FARP2: variants seen among roughly 807,000 people sequenced by gnomAD.
FARP2 encodes the protein FERM, ARHGEF and pleckstrin domain-containing protein 2.
Under a neutral mutation model 130.5 loss-of-function variants are expected in FARP2, and 111 were observed. The observed-to-expected ratio is 0.85, with a 90% CI of 0.73 to 1.00. The LOEUF (loss-of-function observed/expected upper bound fraction) is 1.00. Among genes scored for constraint, FARP2 ranks in the 50% least tolerant of loss-of-function variants. The probability of loss-of-function intolerance (pLI) is 0.00; values close to 1 mark genes in which losing one functional copy is unlikely to be tolerated. For missense variants in FARP2, 1,385 were observed against 1,346.3 expected (o/e 1.03, Z -0.45); for synonymous variants, 504 against 516.9 (o/e 0.98, Z 0.34).
intron 2 of FARP2, among the ~76,000 whole-genome samples, chr2:241,385,195 G>T (rs555798940): frequency 2.6e-5 from 4 of 152,122 alleles, no homozygotes; most frequent in Admixed American, 2.0e-4. Flanking sequence ...CTAGAGGAGG[G>T]CAAACTTGTT....
rs776204438 is a variant in FARP2 at position 241,403,857 on chromosome 2, A to G, written c.213A>G (p.Thr71=). The change falls in exon 3 of 27, where the codon ACA becomes ACG. Residue 71 remains threonine, a synonymous_variant. Transcript: ENST00000264042. ...EPKCDGQVLL[T]QVWKRLNLVE... ...AATGCGATGGCCAGGTATTACTGAC[A>G]CAAGTGTGGAAGCGTTTAAACCTGG... The G allele has an allele frequency of 1.2e-6, 2 of 1,613,744 alleles. No individual in the cohort carries two copies. Among genetic ancestry groups the G allele is most frequent in the Non-Finnish European group, 1.7e-6 (2 of 1,179,652 alleles).
intron 13 of FARP2, among the ~76,000 whole-genome samples, chr2:241,448,439 A>G (rs541706611): frequency 1.4e-4 from 21 of 152,358 alleles, no homozygotes; most frequent in Admixed American, 3.9e-4. Flanking sequence ...AATCCTAATA[A>G]CTATCACCCT....
intron 2 of FARP2, among the ~76,000 whole-genome samples, chr2:241,378,103 T>C (rs996615640): frequency 6.6e-6 from 1 of 151,936 alleles, no homozygotes; most frequent in African/African-American, 2.4e-5. Flanking sequence ...TTATTTTTAT[T>C]TTATTATTTT....
chr2:241,455,548 T>C (rs887234009), intron 13 of FARP2, among the ~76,000 whole-genome samples: 6 of 151,612 alleles, frequency 4.0e-5, no homozygotes, highest in Non-Finnish European at 8.8e-5. Flanking sequence ...GCCCGGCTAA[T>C]TTTTTGTATT....
At chr2:241,383,171 G>A (rs10172825) in intron 2 of FARP2, among the ~76,000 whole-genome samples, 28,080 of 152,242 alleles carry the variant, frequency 0.18, 2,976 homozygotes, top group Middle Eastern at 0.35. Flanking sequence ...ACCCTCTGCC[G>A]TCGGAGCTGG....
chr2:241,415,188 A>G (rs1232006999), intron 7 of FARP2, among the ~76,000 whole-genome samples: 1 of 152,192 alleles, frequency 6.6e-6, no homozygotes, highest in African/African-American at 2.4e-5. Context: ...GGAGGCCTCC[A>G]TGCAGGGCAG....
At chr2:241,402,855 T>TATATATAC (rs2062213525) in intron 2 of FARP2, among the ~76,000 whole-genome samples, 1 of 11,480 alleles carries the variant, frequency 8.7e-5, no homozygotes, top group African/African-American at 3.1e-4. Flanking sequence ...TATATATATA[T>TATATATAC]ATATATATAT....
intron 6 of FARP2, among the ~76,000 whole-genome samples, chr2:241,413,009 C>T (rs2062561654): frequency 6.6e-6 from 1 of 152,176 alleles, no homozygotes; most frequent in Non-Finnish European, 1.5e-5. Context: ...GCCTGGTCAA[C>T]AGAACGAGAC....
Position 241,356,306 on chromosome 2 carries a change from A to T in FARP2, c.-107A>T, listed in dbSNP as rs1373097571. On this transcript the variant is annotated 5_prime_UTR_variant, in exon 1 of 27. Transcript: ENST00000264042. The stretch of plus-strand genomic sequence containing the variant: ...GGGCAGTTGGGAGCAGGCGACGCCG[A>T]CGCGAGTCTGGCGGCTGCTGCTTGC... The T allele has an allele frequency of 6.6e-6, 1 of 152,380 alleles. No individual in the cohort carries two copies. Among genetic ancestry groups the T allele is most frequent in the Non-Finnish European group, 1.5e-5 (1 of 68,018 alleles). The allele number at this position is 152,380 out of a possible 1,614,324, so 9.4% of individuals were successfully genotyped here.
intron 16 of FARP2, 137 bp downstream of exon 16, chr2:241,463,605 A>T: frequency 1.0e-6 from 1 of 959,242 alleles, no homozygotes; most frequent in Non-Finnish European, 1.5e-6. Flanking sequence ...GCCTGTGGGG[A>T]GAGGTACAGA....
chr2:241,430,095 T>A (rs1174915141), intron 8 of FARP2, among the ~76,000 whole-genome samples: 1 of 152,242 alleles, frequency 6.6e-6, no homozygotes, highest in African/African-American at 2.4e-5. Flanking sequence ...ATTTAGTTTA[T>A]GTCACTGTGG....
rs760477107 is a variant in FARP2, at chr2:241,491,604, G to A, written c.2712G>A (p.Arg904=). Residue 904 remains arginine, a synonymous_variant, in exon 24 of 27, where the codon CGG becomes CGA. Transcript: ENST00000264042. ...RSSLEGHGQH[R]ANTTMHVCWY... ...CCCTGGAGGGGCATGGCCAGCACCG[G>A]GCCAACACCACAATGCACGTGTGCT... The A allele has an allele frequency of 6.2e-7, 1 of 1,613,804 alleles. No individual in the cohort carries two copies. The highest frequency in any genetic ancestry group is 1.1e-5 in the South Asian group (1 of 91,082).
chr2:241,479,409 C>G (rs929488839), intron 19 of FARP2, among the ~76,000 whole-genome samples: 1 of 152,246 alleles, frequency 6.6e-6, no homozygotes, highest in Non-Finnish European at 1.5e-5. Context: ...GGCTGCCAGG[C>G]CTTAGGCTCA....
intron 2 of FARP2, among the ~76,000 whole-genome samples, chr2:241,377,333 C>CT (rs1258121395): frequency 0.015 from 1,986 of 129,694 alleles, 21 homozygotes; most frequent in Non-Finnish European, 0.021. Context: ...TTGTTGGTTT[C>CT]TTTTTTTTTT....
At chr2:241,479,723 G>A (rs1248088246) in intron 19 of FARP2, among the ~76,000 whole-genome samples, 3 of 147,206 alleles carry the variant, frequency 2.0e-5, no homozygotes, top group Admixed American at 6.8e-5. Flanking sequence ...ACCCGTTAGC[G>A]TGAGGTAGCA....
In FARP2 at chr2:241,369,803, T is replaced by G. The variant is rs145068921; in HGVS notation, c.-24-3281T>G. Among the ~76,000 whole-genome samples the G allele has an allele frequency of 9.8e-3, 1,490 of 152,306 alleles. 16 individuals carry two copies. Among genetic ancestry groups the G allele is most frequent in the Middle Eastern group, 0.027 (8 of 294 alleles). On this transcript the variant is annotated intron_variant, in intron 1 of 26. Coordinates refer to ENST00000264042, the MANE Select transcript of FARP2 (RefSeq NM_014808.4). ...TTTCAGAAGAACCCACTGTTGGTGG[T>G]TCTATATTTAATAAATGTTGTGAGC...
Position 241,492,241 on chromosome 2 carries a change from A to G in FARP2, c.2787+562A>G, listed in dbSNP as rs370268305. Reference sequence around the variant, plus strand: ...ACAATCGGCTGGGCAGGGGCTCAGGAGCTACCCCAGCACCCCCGTGAGGGG... The same window carrying G: ...ACAATCGGCTGGGCAGGGGCTCAGGGGCTACCCCAGCACCCCCGTGAGGGG... On this transcript the variant is annotated intron_variant, in intron 24 of 26. Coordinates refer to ENST00000264042, the MANE Select transcript of FARP2 (RefSeq NM_014808.4). Among the ~76,000 whole-genome samples the G allele has an allele frequency of 6.6e-5, 10 of 152,106 alleles. No individual in the cohort carries two copies. In the South Asian group the frequency reaches 2.1e-3, roughly 32 times the overall value.
chr2:241,381,032 G>A (rs552166149), intron 2 of FARP2, among the ~76,000 whole-genome samples: 2 of 152,230 alleles, frequency 1.3e-5, no homozygotes, highest in African/African-American at 4.8e-5. Context: ...GTGGACATGA[G>A]TCTCTTCCAG....
intron 1 of FARP2, among the ~76,000 whole-genome samples, chr2:241,367,463 T>C (rs2061341741): frequency 6.6e-6 from 1 of 152,158 alleles, no homozygotes; most frequent in African/African-American, 2.4e-5. Flanking sequence ...AGGATCCGTC[T>C]CTTGCTGTGC....
Sources: allele counts gnomAD v4.1 joint callset (sites outside exome capture counted in the v4.1 genomes callset), GRCh38; gene constraint gnomAD v4.1.1; transcripts MANE v1.5; gene names NCBI Gene and HGNC (gene_info 2026-07-23, HGNC 2026-07-21).